Variants in CRACD observed in about 807,000 individuals in gnomAD.
CRACD encodes the protein capping protein-inhibiting regulator of actin dynamics.
A neutral mutation model predicts 106.8 loss-of-function variants in CRACD; 56 were observed. The observed-to-expected ratio is 0.52, with a 90% CI of 0.42 to 0.66. The LOEUF (loss-of-function observed/expected upper bound fraction) is 0.66. Among genes scored for constraint, CRACD ranks in the 30% least tolerant of loss-of-function variants. The probability of loss-of-function intolerance (pLI) is 0.00; values close to 1 mark genes in which losing one functional copy is unlikely to be tolerated. For synonymous variants in CRACD, 754 were observed against 670.8 expected (o/e 1.12, Z -1.92); for missense variants, 1,730 against 1,623.2 (o/e 1.07, Z -1.13).
chr4:56,081,089 C>A (rs1733006195), intron 1 of CRACD, among the ~76,000 whole-genome samples: 1 of 152,158 alleles, frequency 6.6e-6, no homozygotes, highest in African/African-American at 2.4e-5. Context: ...AACTCCTGGC[C>A]TCAAGCAGTC....
intron 2 of CRACD, among the ~76,000 whole-genome samples, chr4:56,240,043 T>C (rs565877598): frequency 8.7e-4 from 3 of 3,466 alleles, no homozygotes; most frequent in Non-Finnish European, 1.7e-3. Flanking sequence ...TCAATTATTC[T>C]TTTTTTTATT....
At position 56,054,508 on chromosome 4, in the gene CRACD, T is replaced by C. The variant is rs1431818129; in HGVS notation, c.-336+5209T>C. ...CTTTTTATCCTGATGTGAAAATTCATAGAGATAAGAACGAAATCAATTTAG... is the reference window on the plus strand; with the variant it reads ...CTTTTTATCCTGATGTGAAAATTCACAGAGATAAGAACGAAATCAATTTAG... On this transcript the variant is annotated intron_variant, in intron 1 of 10. Coordinates refer to ENST00000682029, the MANE Select transcript of CRACD (RefSeq NM_001393381.1). 2.0e-5 allele frequency among the ~76,000 whole-genome samples: 3 copies of C among 152,212 alleles called. No homozygotes were observed. The East Asian group carries it at 5.8e-4, about 29-fold the overall frequency.
At chr4:56,182,895 GTGTGTGTA>G (rs1736899198) in intron 2 of CRACD, among the ~76,000 whole-genome samples, 2 of 139,620 alleles carry the variant, frequency 1.4e-5, no homozygotes, top group South Asian at 2.4e-4. Context: ...GTGTGTGTGT[GTGTGTGTA>G]TGGCTCCCTG....
intron 2 of CRACD, among the ~76,000 whole-genome samples, chr4:56,205,533 T>G (rs1043382446): frequency 6.6e-6 from 1 of 152,090 alleles, no homozygotes; most frequent in African/African-American, 2.4e-5. Flanking sequence ...TTTTTGTATG[T>G]GTGTGTGTAA....
At chr4:56,122,209 T>C (rs1734508062) in intron 1 of CRACD, among the ~76,000 whole-genome samples, 1 of 151,232 alleles carries the variant, frequency 6.6e-6, no homozygotes, top group Admixed American at 6.6e-5. Context: ...CCTTGTATTG[T>C]GCAAGAGGAG....
At chr4:56,244,687 T>C (rs1333377791) in intron 2 of CRACD, among the ~76,000 whole-genome samples, 1 of 152,210 alleles carries the variant, frequency 6.6e-6, no homozygotes, top group Non-Finnish European at 1.5e-5. Context: ...GATACCCCCA[T>C]ACCACCCTAC....
chr4:56,222,633 A>G (rs1214211608), intron 2 of CRACD, among the ~76,000 whole-genome samples: 1 of 152,128 alleles, frequency 6.6e-6, no homozygotes, highest in South Asian at 2.1e-4. Flanking sequence ...ACCTCTGGGA[A>G]TATCTTACCT....
intron 1 of CRACD, among the ~76,000 whole-genome samples, chr4:56,099,077 A>G (rs1023427614): frequency 2.0e-5 from 3 of 151,834 alleles, no homozygotes; most frequent in African/African-American, 4.8e-5. Context: ...GTGACCATTC[A>G]TTGAGGAACA....
chr4:56,316,117 A>G lies in CRACD; in HGVS notation c.2615A>G (p.His872Arg). 6.2e-7 allele frequency: 1 copy of G among 1,614,176 alleles called. No homozygotes were observed. The highest frequency in any genetic ancestry group is 1.1e-5 in the South Asian group (1 of 91,090). The change falls in exon 8 of 11, where the codon CAC becomes CGC. Residue 872 changes from histidine to arginine, a missense_variant. Coordinates refer to ENST00000682029, the MANE Select transcript of CRACD (RefSeq NM_001393381.1). ...QQAEQKKKKRHSSTGDSADAG... is the reference protein window; with the variant it reads ...QQAEQKKKKRRSSTGDSADAG... The stretch of plus-strand genomic sequence containing the variant: ...GCAGAACAGAAGAAGAAGAAGAGGC[A>G]CAGCAGCACCGGAGACAGCGCGGAT...
intron 8 of CRACD, among the ~76,000 whole-genome samples, chr4:56,319,373 G>C (rs71601623): frequency 2.2e-4 from 33 of 152,294 alleles, no homozygotes; most frequent in Non-Finnish European, 2.9e-5. Context: ...GGGAGGCTGA[G>C]GTGGGCAGAT....
chr4:56,257,378 G>A (rs9761830), intron 2 of CRACD, among the ~76,000 whole-genome samples: 13,538 of 151,978 alleles, frequency 0.089, 1,825 homozygotes, highest in East Asian at 0.61. Flanking sequence ...CACCGTGCCT[G>A]GCCTTGATGC....
chr4:56,310,312 G>C (rs1405887305), intron 5 of CRACD, among the ~76,000 whole-genome samples: 1 of 152,144 alleles, frequency 6.6e-6, no homozygotes, highest in Non-Finnish European at 1.5e-5. Flanking sequence ...CAAAAGCATT[G>C]AGGTTGGAGG....
At chr4:56,169,354 G>C (rs975102298) in intron 1 of CRACD, among the ~76,000 whole-genome samples, 6 of 152,178 alleles carry the variant, frequency 3.9e-5, no homozygotes, top group Non-Finnish European at 7.3e-5. Flanking sequence ...CAGGAGCTTT[G>C]AGTTTCTAGC....
intron 2 of CRACD, among the ~76,000 whole-genome samples, chr4:56,214,681 C>CTCTCTCTCTCTCTATATATATATA: frequency 4.9e-5 from 4 of 80,996 alleles, no homozygotes; most frequent in African/African-American, 8.5e-5. Context: ...CTCTCTCTCT[C>CTCTCTCTCTCTCTATATATATATA]TATATATATA....
chr4:56,256,192 G>A (rs1272132744), intron 2 of CRACD, among the ~76,000 whole-genome samples: 1 of 152,178 alleles, frequency 6.6e-6, no homozygotes, highest in African/African-American at 2.4e-5. Flanking sequence ...CCCATTGGAA[G>A]ATAATTGAAT....
chr4:56,067,663 C>T (rs1732506220), intron 1 of CRACD, among the ~76,000 whole-genome samples: 1 of 152,150 alleles, frequency 6.6e-6, no homozygotes, highest in Non-Finnish European at 1.5e-5. Context: ...GCAATCTCCA[C>T]CTCCCGGGTT....
intron 6 of CRACD, among the ~76,000 whole-genome samples, chr4:56,312,376 T>G (rs1384750554): frequency 1.3e-5 from 2 of 152,172 alleles, no homozygotes; most frequent in Admixed American, 6.5e-5. Flanking sequence ...TTGGCCAGAC[T>G]GGTCTCGAAC....
intron 2 of CRACD, among the ~76,000 whole-genome samples, chr4:56,217,514 G>A (rs1208353915): frequency 6.6e-6 from 1 of 152,180 alleles, no homozygotes; most frequent in Admixed American, 6.5e-5. Flanking sequence ...GTTTATTAAA[G>A]ACCTGGAATC....
intron 1 of CRACD, among the ~76,000 whole-genome samples, chr4:56,178,223 C>T (rs1736668029): frequency 6.6e-6 from 1 of 152,136 alleles, no homozygotes; most frequent in Non-Finnish European, 1.5e-5. Flanking sequence ...ATGTTGAGCT[C>T]ATTTCTTTGC....
Sources: allele counts gnomAD v4.1 joint callset (sites outside exome capture counted in the v4.1 genomes callset), GRCh38; gene constraint gnomAD v4.1.1; transcripts MANE v1.5; gene names NCBI Gene and HGNC (gene_info 2026-07-23, HGNC 2026-07-21).